Variants in SLC22A15 observed in about 807,000 individuals in gnomAD.
The protein encoded by SLC22A15 is solute carrier family 22 member 15.
A neutral mutation model predicts 62.7 loss-of-function variants in SLC22A15; 45 were observed. That is an observed-to-expected ratio of 0.72 (90% CI 0.56 to 0.92). SLC22A15 has a LOEUF of 0.92. SLC22A15 is among the 40% of genes least tolerant of loss of function. The pLI is 0.00. For synonymous variants in SLC22A15, 264 were observed against 267.0 expected (o/e 0.99, Z 0.11); for missense variants, 622 against 665.6 (o/e 0.93, Z 0.72).
intron 2 of SLC22A15, among the ~76,000 whole-genome samples, chr1:115,999,435 T>C: frequency 6.6e-6 from 1 of 152,150 alleles, no homozygotes; most frequent in East Asian, 1.9e-4. Context: ...ATCTCTCTTT[T>C]TAGTCCTAAT....
chr1:116,026,526 C>T (rs1444427221), intron 4 of SLC22A15, among the ~76,000 whole-genome samples: 3 of 152,150 alleles, frequency 2.0e-5, no homozygotes, highest in Admixed American at 1.3e-4. Context: ...AACCTCATGA[C>T]CTGAAAAGCG....
rs1010179784 is a variant in SLC22A15 at position 116,066,507 on chromosome 1, C to T, written c.1366-13C>T. The T allele has an allele frequency of 6.9e-7, 1 of 1,454,604 alleles. No individual in the cohort carries two copies. The highest frequency in any genetic ancestry group is 9.1e-7 in the Non-Finnish European group (1 of 1,093,106). 90.1% of individuals were successfully genotyped at this position (1,454,604 alleles called of 1,614,324 possible). On this transcript the variant is annotated splice_polypyrimidine_tract_variant and intron_variant, in intron 10 of 11. Transcript: ENST00000369503. ...TCTCTGGTTTATTTTCATTCCACTC[C>T]CCGCCTCTGCAGAAATATGTGCAAT...
intron 1 of SLC22A15, among the ~76,000 whole-genome samples, chr1:115,987,366 G>T (rs1654924630): frequency 6.6e-6 from 1 of 151,922 alleles, no homozygotes; most frequent in Non-Finnish European, 1.5e-5. Context: ...GGGTTTCTCT[G>T]TGTTAGCCAG....
At chr1:116,059,447 T>A (rs183643617) in intron 8 of SLC22A15, among the ~76,000 whole-genome samples, 7 of 152,228 alleles carry the variant, frequency 4.6e-5, no homozygotes, top group African/African-American at 1.7e-4. Flanking sequence ...ATAAACAAAT[T>A]GTGGTATATC....
intron 2 of SLC22A15, among the ~76,000 whole-genome samples, chr1:115,996,609 A>G (rs1195952791): frequency 6.6e-6 from 1 of 150,740 alleles, no homozygotes; most frequent in African/African-American, 2.4e-5. Flanking sequence ...GGGATTATAA[A>G]TGGTACTGTA....
intron 2 of SLC22A15, among the ~76,000 whole-genome samples, chr1:116,009,789 G>T (rs1656160126): frequency 6.6e-6 from 1 of 152,178 alleles, no homozygotes; most frequent in South Asian, 2.1e-4. Flanking sequence ...TATAGGTAAT[G>T]TTTGGTTCAT....
At chr1:116,001,080 A>G (rs562035454) in intron 2 of SLC22A15, among the ~76,000 whole-genome samples, 2 of 152,228 alleles carry the variant, frequency 1.3e-5, no homozygotes, top group South Asian at 4.1e-4. Context: ...TTATGTTTCA[A>G]GGATACTTTT....
At chr1:116,015,826 A>G (rs528345222) in intron 2 of SLC22A15, among the ~76,000 whole-genome samples, 11 of 152,280 alleles carry the variant, frequency 7.2e-5, no homozygotes, top group Admixed American at 2.6e-4. Context: ...AGCTGTGTAC[A>G]TTGGCCACTG....
rs1334232803 is a variant in SLC22A15 at position 116,069,062 on chromosome 1, A to G, written c.*1954A>G. On this transcript the variant is annotated 3_prime_UTR_variant, in exon 12 of 12. Transcript: ENST00000369503. Reference sequence around the variant, plus strand: ...AGACTAATTGGGAGTCCATCTCTCTATTGGCACTGGGTTCGATTGCCTCTG... The same window carrying G: ...AGACTAATTGGGAGTCCATCTCTCTGTTGGCACTGGGTTCGATTGCCTCTG... 6.6e-6 allele frequency: 1 copy of G among 152,180 alleles called. No individual in the cohort carries two copies. Among genetic ancestry groups the G allele is most frequent in the East Asian group, 1.9e-4 (1 of 5,190 alleles). 9.4% of individuals were successfully genotyped at this position (152,180 alleles called of 1,614,324 possible). A position where few individuals can be genotyped will look rare whatever the true frequency, so the allele number is the denominator to read the frequency against.
chr1:115,987,164 A>ATTTT (rs1157832035), intron 1 of SLC22A15, among the ~76,000 whole-genome samples: 1 of 137,988 alleles, frequency 7.2e-6, no homozygotes, highest in African/African-American at 2.8e-5. Flanking sequence ...ATGTAGATAG[A>ATTTT]TTTTTTTTTT....
chr1:116,064,324 G>A (rs138575386), intron 9 of SLC22A15, 112 bp from the exon 10 acceptor site: 5 of 720,656 alleles, frequency 6.9e-6, no homozygotes, highest in Non-Finnish European at 1.2e-5. Flanking sequence ...TGTTCTCTAG[G>A]ATCCTGTGCT....
chr1:115,992,710 C>T (rs1655214465), intron 2 of SLC22A15, among the ~76,000 whole-genome samples: 1 of 151,282 alleles, frequency 6.6e-6, no homozygotes, highest in African/African-American at 2.4e-5. Flanking sequence ...CAACCTCTGC[C>T]TCCCGGGTTC....
intron 2 of SLC22A15, among the ~76,000 whole-genome samples, chr1:116,002,906 G>A (rs1163946297): frequency 6.6e-6 from 1 of 151,710 alleles, no homozygotes; most frequent in Non-Finnish European, 1.5e-5. Context: ...TTCTTCTAGC[G>A]AAGGAGTCTC....
chr1:116,069,272 T>C lies in SLC22A15; in HGVS notation c.*2164T>C, dbSNP rs1036718421. ...ATGGTCCTTGAGCAAAACTTAATAA[T>C]TACTGTTTTTTATTTCCACTGCCTT... On this transcript the variant is annotated 3_prime_UTR_variant, in exon 12 of 12. Transcript: ENST00000369503. The C allele has an allele frequency of 6.6e-6, 1 of 152,206 alleles. No individual in the cohort carries two copies. The highest frequency in any genetic ancestry group is 2.4e-5 in the African/African-American group (1 of 41,466). 9.4% of individuals were successfully genotyped at this position (152,206 alleles called of 1,614,324 possible).
In SLC22A15 at chr1:116,035,249, T is replaced by C. The variant is rs1403619452; in HGVS notation, c.1007T>C (p.Ile336Thr). 14 of 1,613,384 alleles carry C rather than the reference T, an allele frequency of 8.7e-6. No individual in the cohort carries two copies. The Admixed American group carries it at 1.7e-4, about 19-fold the overall frequency. Residue 336 changes from isoleucine (I) to threonine (T), a missense_variant, in exon 7 of 12, where the codon ATT becomes ACT. Physicochemically the swap from Ile to Thr is moderately conservative, Grantham distance 89. Coordinates refer to ENST00000369503, the MANE Select transcript of SLC22A15 (RefSeq NM_018420.3). ...TLSAGDLGGS[I>T]YANLALSGLI... is the part of the protein sequence containing the mutation. ...AGTGCGGGTGATCTAGGTGGAAGTATTTATGCCAACCTGGCCCTGTCTGGC... is the reference window on the plus strand; with the variant it reads ...AGTGCGGGTGATCTAGGTGGAAGTACTTATGCCAACCTGGCCCTGTCTGGC...
chr1:115,991,459 A>G, intron 1 of SLC22A15, among the ~76,000 whole-genome samples: 1 of 152,326 alleles, frequency 6.6e-6, no homozygotes, highest in Middle Eastern at 3.4e-3. Context: ...AAATCTTATT[A>G]TGAACTGTAT....
chr1:116,001,323 A>G (rs1300944291), intron 2 of SLC22A15, among the ~76,000 whole-genome samples: 1 of 152,042 alleles, frequency 6.6e-6, no homozygotes, highest in African/African-American at 2.4e-5. Flanking sequence ...TATTTGAGTT[A>G]AATGTGCTTG....
chr1:115,994,132 G>A (rs1655299921), intron 2 of SLC22A15, among the ~76,000 whole-genome samples: 1 of 152,098 alleles, frequency 6.6e-6, no homozygotes, highest in African/African-American at 2.4e-5. Flanking sequence ...CAGAAACCAT[G>A]TTTTGGTCAT....
chr1:116,042,055 C>A (rs1657802638), intron 8 of SLC22A15, among the ~76,000 whole-genome samples: 1 of 149,168 alleles, frequency 6.7e-6, no homozygotes. Context: ...ACCAACAAGA[C>A]TTAAAGGAAC....
Sources: gnomAD v4.1 joint callset for allele counts (sites outside exome capture counted in the v4.1 genomes callset) on GRCh38, gnomAD v4.1.1 for gene constraint, MANE v1.5 for transcripts, NCBI Gene and HGNC (gene_info 2026-07-23, HGNC 2026-07-21) for gene names.